CACNA2D3: variants seen among roughly 807,000 people sequenced by gnomAD.
The protein encoded by CACNA2D3 is calcium voltage-gated channel auxiliary subunit alpha2delta 3.
A neutral mutation model predicts 160.6 loss-of-function variants in CACNA2D3; 60 were observed. That is an observed-to-expected ratio of 0.37 (90% CI 0.30 to 0.46). CACNA2D3 has a LOEUF of 0.46. CACNA2D3 is among the 20% of genes least tolerant of loss of function. The pLI, the probability that CACNA2D3 is intolerant of heterozygous loss-of-function variation, is 1.00. For missense variants in CACNA2D3, 1,205 were observed against 1,365.0 expected (o/e 0.88, Z 1.85); for synonymous variants, 558 against 492.9 (o/e 1.13, Z -1.75).
chr3:54,905,595 T>A (rs748401392), intron 27 of CACNA2D3, among the ~76,000 whole-genome samples: 5 of 152,230 alleles, frequency 3.3e-5, no homozygotes, highest in Non-Finnish European at 7.3e-5. Flanking sequence ...ACTTACTGAT[T>A]AAACCAGTAG....
intron 3 of CACNA2D3, among the ~76,000 whole-genome samples, chr3:54,369,924 T>G (rs764146198): frequency 3.3e-5 from 5 of 152,220 alleles, no homozygotes; most frequent in Non-Finnish European, 5.9e-5. Context: ...AATTTGTAGC[T>G]CCCTTCAGTG....
chr3:54,326,430 C>T (rs1293310799), intron 3 of CACNA2D3, among the ~76,000 whole-genome samples: 2 of 152,006 alleles, frequency 1.3e-5, no homozygotes, highest in Admixed American at 1.3e-4. Flanking sequence ...AGGATGCACC[C>T]AAGTAAAGCA....
At chr3:54,884,314 G>C (rs941622757) in intron 21 of CACNA2D3, among the ~76,000 whole-genome samples, 1 of 152,212 alleles carries the variant, frequency 6.6e-6, no homozygotes, top group Admixed American at 6.5e-5. Flanking sequence ...TGTAGGTGTT[G>C]GAGCGTGGGT....
At chr3:54,401,215 T>G (rs1200727763) in intron 4 of CACNA2D3, among the ~76,000 whole-genome samples, 5 of 151,926 alleles carry the variant, frequency 3.3e-5, no homozygotes, top group Non-Finnish European at 4.4e-5. Context: ...GAAAAATGAA[T>G]GAAAGATTGA....
chr3:54,191,587 C>T (rs1442020454), intron 2 of CACNA2D3, among the ~76,000 whole-genome samples: 2 of 152,028 alleles, frequency 1.3e-5, no homozygotes, highest in Non-Finnish European at 2.9e-5. Flanking sequence ...ACAAGGAAAT[C>T]GGTGATACAG....
intron 4 of CACNA2D3, among the ~76,000 whole-genome samples, chr3:54,441,888 C>T (rs1483136124): frequency 6.6e-6 from 1 of 152,176 alleles, no homozygotes; most frequent in Non-Finnish European, 1.5e-5. Context: ...ATATTCAAGT[C>T]TCTACTTATG....
At chr3:55,011,916 G>C (rs988477250) in intron 34 of CACNA2D3, among the ~76,000 whole-genome samples, 2 of 98,560 alleles carry the variant, frequency 2.0e-5, no homozygotes, top group East Asian at 2.3e-4. Flanking sequence ...TTTACTAATA[G>C]GAGTGAAAAA....
intron 2 of CACNA2D3, among the ~76,000 whole-genome samples, chr3:54,208,836 A>T (rs1701320183): frequency 6.6e-6 from 1 of 152,078 alleles, no homozygotes; most frequent in Admixed American, 6.5e-5. Flanking sequence ...ATAAATACAT[A>T]CATGAGACTG....
intron 2 of CACNA2D3, among the ~76,000 whole-genome samples, chr3:54,206,190 G>T (rs1701273806): frequency 6.6e-6 from 1 of 152,188 alleles, no homozygotes; most frequent in African/African-American, 2.4e-5. Flanking sequence ...CGCATTTCTA[G>T]AAATGTTCTG....
chr3:55,064,954 A>C (rs1382747051), intron 35 of CACNA2D3, among the ~76,000 whole-genome samples: 1 of 152,154 alleles, frequency 6.6e-6, no homozygotes, highest in Non-Finnish European at 1.5e-5. Context: ...CCAACAGAGA[A>C]TCATCTGTCT....
intron 13 of CACNA2D3, among the ~76,000 whole-genome samples, chr3:54,805,621 G>A (rs951965821): frequency 6.6e-6 from 1 of 152,154 alleles, no homozygotes; most frequent in African/African-American, 2.4e-5. Flanking sequence ...TCTACCAGAG[G>A]TACAAAGAGG....
At chr3:54,869,751 C>T (rs1352741573) in intron 17 of CACNA2D3, among the ~76,000 whole-genome samples, 1 of 152,174 alleles carries the variant, frequency 6.6e-6, no homozygotes, top group Non-Finnish European at 1.5e-5. Flanking sequence ...GGCAAGGCAC[C>T]GCTGCTGACA....
chr3:54,714,223 A>G (rs763515642), intron 11 of CACNA2D3, among the ~76,000 whole-genome samples: 2 of 152,180 alleles, frequency 1.3e-5, no homozygotes, highest in South Asian at 2.1e-4. Context: ...CAAGGGCGCT[A>G]TTGTTTGCAG....
intron 2 of CACNA2D3, among the ~76,000 whole-genome samples, chr3:54,129,507 A>G (rs1576945250): frequency 6.6e-6 from 1 of 152,332 alleles, no homozygotes; most frequent in East Asian, 1.9e-4. Flanking sequence ...AAAATAAACA[A>G]CTCAGAAACC....
intron 27 of CACNA2D3, among the ~76,000 whole-genome samples, chr3:54,909,360 A>G (rs1273967967): frequency 6.6e-6 from 1 of 151,008 alleles, no homozygotes; most frequent in African/African-American, 2.4e-5. Context: ...TTGGGGATTT[A>G]TTTAACCGCC....
chr3:54,640,174 G>C (rs183800818), intron 10 of CACNA2D3, among the ~76,000 whole-genome samples: 2 of 152,328 alleles, frequency 1.3e-5, no homozygotes, highest in Admixed American at 1.3e-4. Context: ...TAGGGGATGC[G>C]ATGGCTTGGC....
intron 3 of CACNA2D3, among the ~76,000 whole-genome samples, chr3:54,384,789 G>T (rs185040502): frequency 6.6e-6 from 1 of 151,720 alleles, no homozygotes; most frequent in East Asian, 2.0e-4. Context: ...GTGTGATCTC[G>T]GCTCACTGCA....
chr3:54,150,299 T>C (rs1267275151), intron 2 of CACNA2D3, among the ~76,000 whole-genome samples: 2 of 152,226 alleles, frequency 1.3e-5, no homozygotes, highest in Non-Finnish European at 2.9e-5. Flanking sequence ...GTTAAAGGTC[T>C]AAACTTTGGG....
intron 29 of CACNA2D3, among the ~76,000 whole-genome samples, chr3:54,975,679 T>C (rs1052369120): frequency 6.6e-5 from 10 of 152,148 alleles, no homozygotes; most frequent in African/African-American, 2.4e-4. Flanking sequence ...AAATGAGTGG[T>C]TCATTAAGTA....
Sources: gnomAD v4.1 joint callset for allele counts (sites outside exome capture counted in the v4.1 genomes callset) on GRCh38, gnomAD v4.1.1 for gene constraint, MANE v1.5 for transcripts, NCBI Gene and HGNC (gene_info 2026-07-23, HGNC 2026-07-21) for gene names.